SORCS2: variants seen among roughly 807,000 people sequenced by gnomAD.
SORCS2 encodes the protein sortilin related VPS10 domain containing receptor 2.
SORCS2 carries 100 observed loss-of-function variants against 141.6 expected under a neutral mutation model. The ratio of observed to expected loss-of-function variants is 0.71; its 90% CI spans 0.60 to 0.83. The LOEUF (loss-of-function observed/expected upper bound fraction) is 0.83, where lower values mean the gene tolerates loss of function less well. SORCS2 is among the 40% of genes least tolerant of loss of function. The pLI, the probability that SORCS2 is intolerant of heterozygous loss-of-function variation, is 0.00. For synonymous variants in SORCS2, 789 were observed against 676.9 expected (o/e 1.17, Z -2.57); for missense variants, 1,646 against 1,560.2 (o/e 1.05, Z -0.93).
intron 19 of SORCS2, among the ~76,000 whole-genome samples, chr4:7,724,414 G>T (rs1726900568): frequency 2.9e-5 from 4 of 139,034 alleles, no homozygotes; most frequent in African/African-American, 8.8e-5. Context: ...GTAGTGGTGG[G>T]AATGGATGGT....
intron 1 of SORCS2, among the ~76,000 whole-genome samples, chr4:7,297,161 G>A (rs1326483550): frequency 1.3e-5 from 2 of 152,180 alleles, no homozygotes; most frequent in Non-Finnish European, 2.9e-5. Flanking sequence ...TAGGTGGAGG[G>A]GGCTGGGATT....
intron 18 of SORCS2, among the ~76,000 whole-genome samples, chr4:7,719,206 G>A (rs879845074): frequency 6.6e-6 from 1 of 152,228 alleles, no homozygotes; most frequent in Admixed American, 6.5e-5. Flanking sequence ...GCCAAGGTGG[G>A]GTGGGATGTT....
chr4:7,610,315 G>A (rs1208516339), intron 3 of SORCS2, among the ~76,000 whole-genome samples: 1 of 152,166 alleles, frequency 6.6e-6, no homozygotes. Flanking sequence ...GTTAAATGAG[G>A]ACACTCATGA....
chr4:7,727,072 G>C (rs191295479), intron 21 of SORCS2, among the ~76,000 whole-genome samples, 169 bp downstream of exon 21: 1 of 152,174 alleles, frequency 6.6e-6, no homozygotes, highest in Non-Finnish European at 1.5e-5. Flanking sequence ...TGTGTGGCCT[G>C]GGCAAAGTCT....
chr4:7,504,602 G>A (rs1386511111), intron 2 of SORCS2, among the ~76,000 whole-genome samples: 1 of 152,210 alleles, frequency 6.6e-6, no homozygotes, highest in African/African-American at 2.4e-5. Context: ...CTGGACCCCA[G>A]GGCTGGCTTC....
intron 2 of SORCS2, among the ~76,000 whole-genome samples, chr4:7,417,015 C>T (rs1725745417): frequency 6.6e-6 from 1 of 152,194 alleles, no homozygotes; most frequent in Non-Finnish European, 1.5e-5. Flanking sequence ...GGGTCTCCTG[C>T]TCTTTGCATT....
At chr4:7,412,808 C>T (rs1725405625) in intron 2 of SORCS2, among the ~76,000 whole-genome samples, 1 of 152,078 alleles carries the variant, frequency 6.6e-6, no homozygotes, top group African/African-American at 2.4e-5. Context: ...TTTTGGATCC[C>T]TCCTCCCACC....
chr4:7,331,284 G>A (rs968632538), intron 1 of SORCS2, among the ~76,000 whole-genome samples: 1 of 152,180 alleles, frequency 6.6e-6, no homozygotes, highest in Admixed American at 6.5e-5. Flanking sequence ...CAGGTTCTTG[G>A]GGCTGGGGTG....
At chr4:7,393,838 A>C (rs1449661411) in intron 1 of SORCS2, among the ~76,000 whole-genome samples, 1 of 152,170 alleles carries the variant, frequency 6.6e-6, no homozygotes, top group Non-Finnish European at 1.5e-5. Flanking sequence ...CATGGACTGG[A>C]AAACTGAGCT....
At chr4:7,609,810 C>T (rs2108807259) in intron 3 of SORCS2, among the ~76,000 whole-genome samples, 1 of 152,354 alleles carries the variant, frequency 6.6e-6, no homozygotes, top group East Asian at 1.9e-4. Flanking sequence ...CTCATGGTGA[C>T]TTGTCTCTTG....
chr4:7,476,229 A>T (rs1730282753), intron 2 of SORCS2, among the ~76,000 whole-genome samples: 1 of 152,212 alleles, frequency 6.6e-6, no homozygotes, highest in Non-Finnish European at 1.5e-5. Context: ...AGGGAAGTCG[A>T]TAGACAGATA....
At chr4:7,456,257 G>T (rs1253362752) in intron 2 of SORCS2, among the ~76,000 whole-genome samples, 1 of 152,190 alleles carries the variant, frequency 6.6e-6, no homozygotes, top group Non-Finnish European at 1.5e-5. Context: ...GGCATTTCAG[G>T]TGGACACAAT....
intron 3 of SORCS2, among the ~76,000 whole-genome samples, chr4:7,599,534 G>T (rs971162031): frequency 8.5e-5 from 13 of 152,328 alleles, no homozygotes; most frequent in Middle Eastern, 3.4e-3. Flanking sequence ...GGATCACGAA[G>T]CCAGCTCCTG....
rs534759304 is a variant in SORCS2 at position 7,694,964 on chromosome 4, C to G, written c.1592-2234C>G. The stretch of plus-strand genomic sequence containing the variant: ...GAGGCTCTCCTTGAGGCTCTCCTCA[C>G]AGGTCCACCGTCCTGGCTCTGTGTT... On this transcript the variant is annotated intron_variant, in intron 11 of 26. Transcript: ENST00000507866. Among the ~76,000 whole-genome samples the G allele has an allele frequency of 1.0e-4, 15 of 150,618 alleles. No individual in the cohort carries two copies. The South Asian group carries it at 2.7e-3, about 27-fold the overall frequency.
At chr4:7,695,299 GGTGAGTGA>G (rs1336921512) in intron 11 of SORCS2, among the ~76,000 whole-genome samples, 9 of 69,860 alleles carry the variant, frequency 1.3e-4, no homozygotes, top group East Asian at 5.1e-4. Flanking sequence ...TGGTTGGATG[GGTGAGTGA>G]ATGGGTGGGT....
intron 1 of SORCS2, among the ~76,000 whole-genome samples, chr4:7,328,766 C>G (rs1719449246): frequency 6.6e-6 from 1 of 152,230 alleles, no homozygotes; most frequent in African/African-American, 2.4e-5. Flanking sequence ...TGCCACTCAC[C>G]CAGTCTGTGG....
intron 26 of SORCS2, among the ~76,000 whole-genome samples, chr4:7,739,655 G>A (rs533021955): frequency 2.0e-4 from 31 of 152,248 alleles, no homozygotes; most frequent in East Asian, 1.7e-3. Context: ...GGGCTGTGCC[G>A]CGGGTGCTCC....
At chr4:7,641,788 GGA>G (rs1560449620) in intron 4 of SORCS2, among the ~76,000 whole-genome samples, 1 of 120,326 alleles carries the variant, frequency 8.3e-6, no homozygotes, top group African/African-American at 2.9e-5. Flanking sequence ...ATGGATGGAT[GGA>G]TGGATGGATG....
At chr4:7,738,848 C>A (rs1316345080) in intron 26 of SORCS2, among the ~76,000 whole-genome samples, 1 of 152,164 alleles carries the variant, frequency 6.6e-6, no homozygotes. Flanking sequence ...AATGGACTGG[C>A]CACGGTCCCT....
Sources: allele counts gnomAD v4.1 joint callset (sites outside exome capture counted in the v4.1 genomes callset), GRCh38; gene constraint gnomAD v4.1.1; transcripts MANE v1.5; gene names NCBI Gene and HGNC (gene_info 2026-07-23, HGNC 2026-07-21).